Variants in LRP1B observed in about 807,000 individuals in gnomAD.
LRP1B encodes LDL receptor related protein 1B, also known as low-density lipoprotein receptor-related protein 1B.
Under a neutral mutation model 556.6 loss-of-function variants are expected in LRP1B, and 217 were observed. That is an observed-to-expected ratio of 0.39 (90% CI 0.35 to 0.44). The LOEUF is 0.44. Among genes scored for constraint, LRP1B ranks in the 20% least tolerant of loss-of-function variants. The pLI, the probability that LRP1B is intolerant of heterozygous loss-of-function variation, is 1.00. For synonymous variants in LRP1B, 2,047 were observed against 1,865.8 expected (o/e 1.10, Z -2.50); for missense variants, 5,053 against 5,620.8 (o/e 0.90, Z 3.23).
At chr2:141,364,136 G>A (rs548169739) in intron 3 of LRP1B, among the ~76,000 whole-genome samples, 176 of 152,060 alleles carry the variant, frequency 1.2e-3, no homozygotes, top group Admixed American at 3.3e-3. Context: ...TTCATACCTC[G>A]ATCAATTACA....
chr2:141,446,221 G>A (rs1018442730), intron 3 of LRP1B, among the ~76,000 whole-genome samples: 1 of 152,138 alleles, frequency 6.6e-6, no homozygotes, highest in Non-Finnish European at 1.5e-5. Context: ...TCAGAGACTA[G>A]GATTGCAACC....
chr2:141,321,499 T>C (rs977929046), intron 3 of LRP1B, among the ~76,000 whole-genome samples: 7 of 152,074 alleles, frequency 4.6e-5, no homozygotes, highest in African/African-American at 1.7e-4. Flanking sequence ...GTATGAAAAA[T>C]AGTTAATTGT....
At chr2:142,092,651 T>G (rs1706216066) in intron 1 of LRP1B, among the ~76,000 whole-genome samples, 1 of 150,688 alleles carries the variant, frequency 6.6e-6, no homozygotes, top group South Asian at 2.1e-4. Flanking sequence ...TGTGTGTGTG[T>G]TTTTGTATGG....
At chr2:141,686,972 T>C (rs1262176188) in intron 2 of LRP1B, among the ~76,000 whole-genome samples, 2 of 151,984 alleles carry the variant, frequency 1.3e-5, no homozygotes, top group Admixed American at 1.3e-4. Flanking sequence ...CCCCTGAACA[T>C]GGGACTTCTC....
intron 1 of LRP1B, among the ~76,000 whole-genome samples, chr2:142,124,445 C>T (rs1334473443): frequency 6.6e-6 from 1 of 151,654 alleles, no homozygotes; most frequent in African/African-American, 2.4e-5. Context: ...AGCATTTAAT[C>T]CTGTTGTCCA....
At chr2:141,075,403 C>T (rs1418481037) in intron 7 of LRP1B, among the ~76,000 whole-genome samples, 3 of 152,064 alleles carry the variant, frequency 2.0e-5, no homozygotes, top group Non-Finnish European at 2.9e-5. Context: ...AATAAGTCTA[C>T]CTGTTTTATA....
intron 41 of LRP1B, among the ~76,000 whole-genome samples, chr2:140,674,587 G>A (rs1014222946): frequency 1.3e-4 from 20 of 152,144 alleles, no homozygotes; most frequent in African/African-American, 4.8e-4. Flanking sequence ...CCCTGTTTGA[G>A]TTGTCTTGCC....
At chr2:140,745,940 G>A (rs1228157630) in intron 35 of LRP1B, among the ~76,000 whole-genome samples, 1 of 152,104 alleles carries the variant, frequency 6.6e-6, no homozygotes, top group African/African-American at 2.4e-5. Context: ...GAATTTAAGA[G>A]AAAGGAGATT....
At chr2:141,063,917 G>T (rs1558835127) in intron 7 of LRP1B, among the ~76,000 whole-genome samples, 2 of 151,862 alleles carry the variant, frequency 1.3e-5, no homozygotes, top group Non-Finnish European at 2.9e-5. Flanking sequence ...CATGTGATGT[G>T]TAGAGACTAC....
chr2:142,122,086 C>T (rs1455710950), intron 1 of LRP1B, among the ~76,000 whole-genome samples: 2 of 152,096 alleles, frequency 1.3e-5, no homozygotes, highest in Non-Finnish European at 2.9e-5. Flanking sequence ...AGGGTCATAG[C>T]TATGTTTATC....
intron 1 of LRP1B, among the ~76,000 whole-genome samples, chr2:142,027,304 T>C (rs1574609291): frequency 7.8e-6 from 1 of 128,934 alleles, no homozygotes; most frequent in South Asian, 2.9e-4. Context: ...TTAGAGGTTG[T>C]TTTTTTTTTC....
chr2:141,932,007 T>A (rs1180490417), intron 1 of LRP1B, among the ~76,000 whole-genome samples: 1 of 152,038 alleles, frequency 6.6e-6, no homozygotes, highest in African/African-American at 2.4e-5. Flanking sequence ...AGCTTTGTCC[T>A]TGGAGAGATA....
At chr2:140,958,713 C>T (rs1429777750) in intron 18 of LRP1B, among the ~76,000 whole-genome samples, 1 of 151,558 alleles carries the variant, frequency 6.6e-6, no homozygotes, top group African/African-American at 2.4e-5. Context: ...AATAAATTCA[C>T]ATAAACACCG....
intron 66 of LRP1B, among the ~76,000 whole-genome samples, chr2:140,405,217 T>C (rs1039202268): frequency 1.3e-5 from 2 of 152,098 alleles, no homozygotes; most frequent in African/African-American, 4.8e-5. Context: ...GCAAAAGCAG[T>C]GCAAGGAGGA....
intron 2 of LRP1B, among the ~76,000 whole-genome samples, chr2:141,552,280 A>G (rs1685782300): frequency 1.3e-5 from 2 of 151,982 alleles, no homozygotes; most frequent in South Asian, 4.1e-4. Context: ...AAAAATGTCA[A>G]TTACTTCCTT....
intron 14 of LRP1B, among the ~76,000 whole-genome samples, chr2:141,005,864 G>A (rs1199340775): frequency 6.6e-6 from 1 of 151,938 alleles, no homozygotes; most frequent in Admixed American, 6.6e-5. Flanking sequence ...TGGGAGCAAG[G>A]GTAGGGTATT....
intron 3 of LRP1B, among the ~76,000 whole-genome samples, chr2:141,321,413 G>A (rs1049274005): frequency 2.0e-5 from 3 of 151,988 alleles, no homozygotes; most frequent in Non-Finnish European, 4.4e-5. Context: ...CTGACTTAAT[G>A]GTCATACTCC....
At chr2:140,839,539 T>C (rs1326293716) in intron 31 of LRP1B, among the ~76,000 whole-genome samples, 2 of 152,202 alleles carry the variant, frequency 1.3e-5, no homozygotes, top group Admixed American at 1.3e-4. Context: ...TGCTGGATAC[T>C]TCCTGCCCTC....
At chr2:141,277,935 T>C (rs1685365514) in intron 3 of LRP1B, among the ~76,000 whole-genome samples, 1 of 152,078 alleles carries the variant, frequency 6.6e-6, no homozygotes, top group African/African-American at 2.4e-5. Context: ...TAAAATACAA[T>C]AACCTTATGG....
Sources: gnomAD v4.1 joint callset for allele counts (sites outside exome capture counted in the v4.1 genomes callset) on GRCh38, gnomAD v4.1.1 for gene constraint, MANE v1.5 for transcripts, NCBI Gene and HGNC (gene_info 2026-07-23, HGNC 2026-07-21) for gene names.